Variants in VRK2 observed in about 807,000 individuals in gnomAD.
VRK2 encodes serine/threonine-protein kinase VRK2.
VRK2 carries 60 observed loss-of-function variants against 57.6 expected under a neutral mutation model. The observed-to-expected ratio is 1.04, with a 90% CI of 0.85 to 1.29. The LOEUF is 1.29. VRK2 is among the 50% of genes most tolerant of loss of function. VRK2 has a pLI of 0.00. For missense variants in VRK2, 705 were observed against 588.1 expected (o/e 1.20, Z -2.06); for synonymous variants, 231 against 199.2 (o/e 1.16, Z -1.35).
At chr2:58,089,798 C>T (rs748337828) in intron 7 of VRK2, 75 bp downstream of exon 7, 88 of 1,012,656 alleles carry the variant, frequency 8.7e-5, no homozygotes, top group Non-Finnish European at 1.3e-4. Flanking sequence ...AAACTTCTAA[C>T]CCAGAAGAGT....
intron 8 of VRK2, among the ~76,000 whole-genome samples, chr2:58,124,308 C>T (rs577618438): frequency 1.3e-5 from 2 of 152,292 alleles, no homozygotes; most frequent in South Asian, 4.1e-4. Flanking sequence ...CTGATGGTTG[C>T]TTTGTTCACA....
chr2:57,921,658 A>G (rs1253171373), intron 1 of VRK2, among the ~76,000 whole-genome samples: 1 of 152,158 alleles, frequency 6.6e-6, no homozygotes, highest in Non-Finnish European at 1.5e-5. Flanking sequence ...AATGATTGCA[A>G]TTTGAAGCAA....
intron 1 of VRK2, among the ~76,000 whole-genome samples, chr2:58,015,075 T>C (rs1207784369): frequency 6.6e-6 from 1 of 151,984 alleles, no homozygotes; most frequent in Non-Finnish European, 1.5e-5. Context: ...ACAGAAGTTA[T>C]ACAATCATTT....
Position 58,051,080 on chromosome 2 carries a change from G to T in VRK2, c.136+2113G>T, listed in dbSNP as rs564557497. On this transcript the variant is annotated intron_variant, in intron 2 of 12. Transcript: ENST00000340157. Reference sequence around the variant, plus strand: ...GGATGGTCTCGAACTCCTGACCTCAGGTGATCTGCCCACCTCGGCCTCCCG... The same window carrying T: ...GGATGGTCTCGAACTCCTGACCTCATGTGATCTGCCCACCTCGGCCTCCCG... 2.7e-4 allele frequency among the ~76,000 whole-genome samples: 41 copies of T among 152,282 alleles called. No homozygotes were observed. In the South Asian group the frequency reaches 5.4e-3, roughly 20 times the overall value.
At chr2:58,144,097 T>C (rs1681754952) in intron 11 of VRK2, among the ~76,000 whole-genome samples, 1 of 151,458 alleles carries the variant, frequency 6.6e-6, no homozygotes, top group Non-Finnish European at 1.5e-5. Flanking sequence ...ATTTGCAACA[T>C]CATGGATGAA....
chr2:58,107,507 T>C (rs1211660011), intron 7 of VRK2, among the ~76,000 whole-genome samples: 56 of 151,806 alleles, frequency 3.7e-4, no homozygotes. Flanking sequence ...TAGTATAATT[T>C]TCATCAGTCT....
chr2:58,085,205 C>G (rs1383890651), intron 4 of VRK2, among the ~76,000 whole-genome samples: 1 of 151,800 alleles, frequency 6.6e-6, no homozygotes, highest in Non-Finnish European at 1.5e-5. Context: ...GGTTGTTAAT[C>G]TAAGCTACCA....
At chr2:58,049,213 G>C (rs1675340521) in intron 2 of VRK2, among the ~76,000 whole-genome samples, 1 of 152,080 alleles carries the variant, frequency 6.6e-6, no homozygotes, top group Non-Finnish European at 1.5e-5. Flanking sequence ...TATACAATCT[G>C]CCAGACAAAA....
chr2:57,930,306 G>A (rs1342769868), intron 1 of VRK2, among the ~76,000 whole-genome samples: 1 of 152,124 alleles, frequency 6.6e-6, no homozygotes, highest in East Asian at 1.9e-4. Context: ...TGTGCCAGCT[G>A]AGTTCTGCCC....
At chr2:57,961,743 T>C (rs1671768452) in intron 1 of VRK2, among the ~76,000 whole-genome samples, 1 of 151,836 alleles carries the variant, frequency 6.6e-6, no homozygotes, top group African/African-American at 2.4e-5. Context: ...CATCAATACT[T>C]TCCAGTTGTA....
At chr2:57,956,122 G>C (rs1671579275) in intron 1 of VRK2, among the ~76,000 whole-genome samples, 1 of 152,126 alleles carries the variant, frequency 6.6e-6, no homozygotes, top group African/African-American at 2.4e-5. Flanking sequence ...GCCAGGTGAG[G>C]TGGCTAATGC....
Position 57,919,810 on chromosome 2 carries a change from G to A in VRK2, c.-439+11971G>A, listed in dbSNP as rs533931143. Among the ~76,000 whole-genome samples the A allele has an allele frequency of 3.0e-3, 459 of 152,118 alleles. 2 individuals carry two copies. The highest frequency in any genetic ancestry group is 0.011 in the African/African-American group (438 of 41,552). The stretch of plus-strand genomic sequence containing the variant: ...GAAAACACTAATCCATTAATCAACC[G>A]AAGTCAGTAATTTTTTTTTAAAAAG... On this transcript the variant is annotated intron_variant, in intron 1 of 15. Transcript: ENST00000417641.
chr2:58,138,288 G>A (rs1218931665), intron 10 of VRK2, among the ~76,000 whole-genome samples: 3 of 152,146 alleles, frequency 2.0e-5, no homozygotes, highest in Admixed American at 6.5e-5. Flanking sequence ...TGAAGGGGCT[G>A]CATGAAGCAT....
chr2:57,920,705 C>G (rs1427557204), intron 1 of VRK2, among the ~76,000 whole-genome samples: 1 of 152,014 alleles, frequency 6.6e-6, no homozygotes, highest in Non-Finnish European at 1.5e-5. Context: ...CTTCTCTTAG[C>G]ACTTTTTAAA....
At chr2:58,135,291 C>G (rs1206558408) in intron 10 of VRK2, 92 bp downstream of exon 10, 1 of 1,364,500 alleles carries the variant, frequency 7.3e-7, no homozygotes, top group African/African-American at 1.4e-5. Flanking sequence ...AACCCACTTG[C>G]TCCTATTCCC....
intron 2 of VRK2, 66 bp from the exon 3 acceptor site, chr2:58,084,023 A>G: frequency 6.5e-7 from 1 of 1,549,850 alleles, no homozygotes. Context: ...AGTGTTTGGG[A>G]TATGGTAGGT....
chr2:58,146,748 A>G (rs1012521732), intron 12 of VRK2, among the ~76,000 whole-genome samples: 1 of 151,496 alleles, frequency 6.6e-6, no homozygotes, highest in Non-Finnish European at 1.5e-5. Flanking sequence ...TTTGCCATCT[A>G]TGATCCATTA....
chr2:58,132,516 C>T (rs1251589697), intron 9 of VRK2, among the ~76,000 whole-genome samples: 3 of 152,130 alleles, frequency 2.0e-5, no homozygotes, highest in African/African-American at 7.2e-5. Context: ...TTAGGTCAGA[C>T]TAAGAACAGG....
intron 1 of VRK2, among the ~76,000 whole-genome samples, chr2:58,018,478 A>G (rs1673653410): frequency 6.6e-6 from 1 of 152,194 alleles, no homozygotes; most frequent in Non-Finnish European, 1.5e-5. Context: ...AGAGAATTTT[A>G]GATTCTTATG....
Sources: allele counts gnomAD v4.1 joint callset (sites outside exome capture counted in the v4.1 genomes callset), GRCh38; gene constraint gnomAD v4.1.1; transcripts MANE v1.5; gene names NCBI Gene and HGNC (gene_info 2026-07-23, HGNC 2026-07-21).